CD226: variants seen among roughly 807,000 people sequenced by gnomAD.
The protein encoded by CD226 is CD226 molecule, also known as CD226 antigen.
In CD226, 24 loss-of-function variants were observed where a neutral mutation model predicts 34.9. The observed-to-expected ratio is 0.69, with a 90% CI of 0.50 to 0.97. The LOEUF (loss-of-function observed/expected upper bound fraction) is 0.97. Among genes scored for constraint, CD226 ranks in the 50% least tolerant of loss-of-function variants. The pLI is 0.00. For synonymous variants in CD226, 148 were observed against 147.4 expected (o/e 1.00, Z -0.03); for missense variants, 397 against 412.7 (o/e 0.96, Z 0.33).
intron 2 of CD226, among the ~76,000 whole-genome samples, chr18:69,920,369 T>C (rs1164367742): frequency 1.3e-5 from 2 of 152,230 alleles, no homozygotes; most frequent in Non-Finnish European, 2.9e-5. Flanking sequence ...CATCCCCTAC[T>C]GCCTTGAAAT....
intron 3 of CD226, among the ~76,000 whole-genome samples, chr18:69,886,455 C>T (rs1254069096): frequency 2.6e-5 from 4 of 152,150 alleles, no homozygotes; most frequent in African/African-American, 9.7e-5. Flanking sequence ...TCTGCAATCC[C>T]GGCACTTTGG....
In CD226 at chr18:69,947,744, CA is replaced by C. The variant is rs113034942; in HGVS notation, c.-339del. 10,831 of 147,146 alleles carry C rather than the reference CA, an allele frequency of 0.074. 131 individuals carry two copies. Among genetic ancestry groups the C allele is most frequent in the Middle Eastern group, 0.12 (44 of 372 alleles). The allele number at this position is 147,146 out of a possible 1,614,324, so 9.1% of individuals were successfully genotyped here. A position where few individuals can be genotyped will look rare whatever the true frequency, so the allele number is the denominator to read the frequency against. ...TGTAGGCAATGAGGATACAATAATACAAAAAAAAAAAAATATTGCCATGATA... is the reference window on the plus strand; with the variant it reads ...TGTAGGCAATGAGGATACAATAATACAAAAAAAAAAAATATTGCCATGATA... On this transcript the variant is annotated 5_prime_UTR_variant, in exon 1 of 6. The change creates a premature stop within an existing upstream ORF in the 5' untranslated region. Transcript: ENST00000582621.
chr18:69,949,315 T>C (rs1336241912), upstream of CD226, among the ~76,000 whole-genome samples: 1 of 152,172 alleles, frequency 6.6e-6, no homozygotes, highest in Non-Finnish European at 1.5e-5. Flanking sequence ...ACTTCGCGTT[T>C]TGGAAAGATA....
chr18:69,953,561 T>G (rs1469325826), intron 1 of CD226, among the ~76,000 whole-genome samples: 1 of 152,212 alleles, frequency 6.6e-6, no homozygotes, highest in Non-Finnish European at 1.5e-5. Flanking sequence ...GCCAATTGAT[T>G]GACTGTTGGA....
intron 2 of CD226, among the ~76,000 whole-genome samples, chr18:69,942,755 G>A (rs1256034423): frequency 6.6e-6 from 1 of 152,118 alleles, no homozygotes; most frequent in Non-Finnish European, 1.5e-5. Context: ...TCAGAGCCCA[G>A]GGTGAGAACC....
At chr18:69,941,901 T>C (rs2055729226) in intron 2 of CD226, among the ~76,000 whole-genome samples, 1 of 152,166 alleles carries the variant, frequency 6.6e-6, no homozygotes, top group Non-Finnish European at 1.5e-5. Flanking sequence ...AATCCCCATG[T>C]ATTGTGGGAA....
chr18:69,956,312 G>A (rs2055896782), intron 1 of CD226, among the ~76,000 whole-genome samples: 1 of 152,168 alleles, frequency 6.6e-6, no homozygotes, highest in Non-Finnish European at 1.5e-5. Flanking sequence ...TAACTATCTG[G>A]CCCTTTACAG....
At chr18:69,910,217 G>A (rs1568187439) in intron 2 of CD226, among the ~76,000 whole-genome samples, 1 of 152,206 alleles carries the variant, frequency 6.6e-6, no homozygotes, top group Non-Finnish European at 1.5e-5. Flanking sequence ...GCACACCTTG[G>A]AGACTTGCGT....
chr18:69,955,204 A>G (rs1028003326), intron 1 of CD226, among the ~76,000 whole-genome samples: 54 of 152,220 alleles, frequency 3.5e-4, no homozygotes, highest in African/African-American at 1.3e-3. Flanking sequence ...CTGTCACCTC[A>G]GTTTCATTGT....
At chr18:69,886,743 T>A (rs1036543161) in intron 3 of CD226, among the ~76,000 whole-genome samples, 2 of 151,732 alleles carry the variant, frequency 1.3e-5, no homozygotes, top group Non-Finnish European at 2.9e-5. Context: ...GTAAAAATAA[T>A]TTTTTAAAAA....
Position 69,859,726 on chromosome 18 carries a change from A to G in CD226, c.*4588T>C, listed in dbSNP as rs187862858. ...GTTTCGGGAAAAACAAAAACAAACA[A>G]ACAAAAAACCTGTAAAGCCCTTTGA... On this transcript the variant is annotated 3_prime_UTR_variant, in exon 6 of 6. Coordinates refer to ENST00000582621, the MANE Select transcript of CD226 (RefSeq NM_001303618.2). 7.2e-5 allele frequency: 11 copies of G among 152,318 alleles called. No homozygotes were observed. In the East Asian group the frequency reaches 2.1e-3, roughly 29 times the overall value. The allele number at this position is 152,318 out of a possible 1,614,324, so 9.4% of individuals were successfully genotyped here.
At chr18:69,897,016 G>T (rs1055454621) in intron 2 of CD226, among the ~76,000 whole-genome samples, 2 of 152,098 alleles carry the variant, frequency 1.3e-5, no homozygotes, top group African/African-American at 4.8e-5. Context: ...GTGTTTGGGG[G>T]CCCTGGGCAT....
chr18:69,938,861 G>A (rs1189986540), intron 2 of CD226, among the ~76,000 whole-genome samples: 1 of 152,204 alleles, frequency 6.6e-6, no homozygotes. Context: ...AAGGTGGGGT[G>A]GATCACCTGA....
chr18:69,949,702 T>G (rs983810465), upstream of CD226, among the ~76,000 whole-genome samples: 1 of 151,466 alleles, frequency 6.6e-6, no homozygotes, highest in African/African-American at 2.4e-5. Context: ...GTCTCACATA[T>G]GCACCCACAC....
intron 4 of CD226, among the ~76,000 whole-genome samples, chr18:69,871,670 C>G (rs1983530331): frequency 6.6e-6 from 1 of 152,204 alleles, no homozygotes; most frequent in Admixed American, 6.5e-5. Flanking sequence ...TGTGGGGAAA[C>G]AGCACTTTGG....
At chr18:69,960,248 AAAAAAG>A (rs2055923523), upstream of CD226, among the ~76,000 whole-genome samples, 1 of 151,916 alleles carries the variant, frequency 6.6e-6, no homozygotes, top group African/African-American at 2.4e-5. Context: ...TTAAAAAAAA[AAAAAAG>A]AAAAGAAAAG....
chr18:69,911,424 T>G (rs2055323226), intron 2 of CD226, among the ~76,000 whole-genome samples: 1 of 152,226 alleles, frequency 6.6e-6, no homozygotes, highest in African/African-American at 2.4e-5. Context: ...CCTTCTTCAT[T>G]TTTGGAAGTT....
At chr18:69,893,461 T>A (rs748768476) in intron 3 of CD226, among the ~76,000 whole-genome samples, 4 of 152,252 alleles carry the variant, frequency 2.6e-5, no homozygotes, top group Non-Finnish European at 5.9e-5. Context: ...TAATTTAAGA[T>A]GTTTACAATT....
intron 4 of CD226, among the ~76,000 whole-genome samples, chr18:69,872,057 G>GTGTGT (rs141673924): frequency 7.0e-6 from 1 of 143,430 alleles, no homozygotes; most frequent in Non-Finnish European, 1.5e-5. Context: ...ATTAACAAGG[G>GTGTGT]GTGTGTGTGT....
Sources: allele counts gnomAD v4.1 joint callset (sites outside exome capture counted in the v4.1 genomes callset), GRCh38; gene constraint gnomAD v4.1.1; transcripts MANE v1.5; gene names NCBI Gene and HGNC (gene_info 2026-07-23, HGNC 2026-07-21).